Variants in NRG3 observed in about 807,000 individuals in gnomAD.
NRG3 encodes pro-neuregulin-3, membrane-bound isoform.
In NRG3, 31 loss-of-function variants were observed where a neutral mutation model predicts 66.9. That is an observed-to-expected ratio of 0.46 (90% CI 0.35 to 0.63). NRG3 has a LOEUF of 0.63. Ranked by LOEUF, NRG3 falls within the 20% of genes least tolerant of loss-of-function variation. The pLI, the probability that NRG3 is intolerant of heterozygous loss-of-function variation, is 0.00. For synonymous variants in NRG3, 393 were observed against 359.4 expected, an observed-to-expected ratio of 1.09 and a Z score of -1.06; for missense variants, 910 against 878.9, an observed-to-expected ratio of 1.04 and a Z score of -0.45.
chr10:82,683,216 A>G (rs1267145186), intron 2 of NRG3, among the ~76,000 whole-genome samples: 1 of 151,950 alleles, frequency 6.6e-6, no homozygotes, highest in Non-Finnish European at 1.5e-5. Flanking sequence ...CGGCCTCCCA[A>G]AGTGCTGGGA....
intron 7 of NRG3, among the ~76,000 whole-genome samples, chr10:82,978,350 AT>A (rs1184705199): frequency 4.6e-5 from 7 of 152,260 alleles, no homozygotes; most frequent in Non-Finnish European, 1.0e-4. Flanking sequence ...GTCAAATAAA[AT>A]ATATAATCAG....
chr10:82,793,698 T>C (rs2483306), intron 3 of NRG3, among the ~76,000 whole-genome samples: 149,947 of 152,280 alleles, frequency 0.98, 73,833 homozygotes, highest in Middle Eastern at 1. Context: ...GGCTATGTCT[T>C]ATCATCACTT....
chr10:82,536,671 G>A (rs1025286576), intron 2 of NRG3, among the ~76,000 whole-genome samples: 10 of 151,726 alleles, frequency 6.6e-5, no homozygotes, highest in Non-Finnish European at 7.4e-5. Context: ...GAAATTGGAT[G>A]GAATGAATTA....
intron 2 of NRG3, among the ~76,000 whole-genome samples, chr10:82,641,294 T>G (rs1021780217): frequency 2.6e-5 from 4 of 152,160 alleles, no homozygotes; most frequent in Admixed American, 1.3e-4. Flanking sequence ...TTTTCTAAGC[T>G]TATATTTGTG....
intron 2 of NRG3, among the ~76,000 whole-genome samples, chr10:82,647,207 A>T (rs1565162691): frequency 6.7e-6 from 1 of 150,238 alleles, no homozygotes; most frequent in Non-Finnish European, 1.5e-5. Context: ...TCCTGTGTCC[A>T]TGTGTTCTCA....
intron 1 of NRG3, among the ~76,000 whole-genome samples, chr10:82,097,369 TACAC>T (rs60288660): frequency 0.031 from 4,338 of 140,994 alleles, 122 homozygotes; most frequent in East Asian, 0.13. Flanking sequence ...TCCAGATGGT[TACAC>T]ACACACACAC....
chr10:82,491,784 T>C (rs530463909), intron 2 of NRG3, among the ~76,000 whole-genome samples: 1 of 152,296 alleles, frequency 6.6e-6, no homozygotes, highest in Non-Finnish European at 1.5e-5. Flanking sequence ...CTTTTACTTA[T>C]CTGCCCTCTG....
At chr10:82,158,754 C>T (rs2071361920) in intron 1 of NRG3, among the ~76,000 whole-genome samples, 1 of 151,796 alleles carries the variant, frequency 6.6e-6, no homozygotes, top group African/African-American at 2.4e-5. Flanking sequence ...TCTTGAAATC[C>T]TGAGAGAAGT....
intron 1 of NRG3, among the ~76,000 whole-genome samples, chr10:82,319,711 C>A (rs1204431717): frequency 6.6e-6 from 1 of 152,124 alleles, no homozygotes; most frequent in Non-Finnish European, 1.5e-5. Context: ...TGCTCCTTAG[C>A]CTGCAGCCCA....
intron 1 of NRG3, among the ~76,000 whole-genome samples, chr10:82,118,463 A>C (rs1256940129): frequency 6.6e-6 from 1 of 152,062 alleles, no homozygotes; most frequent in Non-Finnish European, 1.5e-5. Flanking sequence ...AAATGACTGT[A>C]GATGTTTTTC....
intron 1 of NRG3, among the ~76,000 whole-genome samples, chr10:82,218,060 A>T (rs2075771482): frequency 2.0e-5 from 3 of 152,214 alleles, no homozygotes; most frequent in Admixed American, 6.5e-5. Flanking sequence ...CAAAGAAAAT[A>T]CATTTTTTGA....
At chr10:82,846,464 A>G (rs1021166010) in intron 3 of NRG3, among the ~76,000 whole-genome samples, 1 of 152,234 alleles carries the variant, frequency 6.6e-6, no homozygotes, top group Non-Finnish European at 1.5e-5. Context: ...TGAAACAAAT[A>G]GAGCTTACTT....
intron 2 of NRG3, among the ~76,000 whole-genome samples, chr10:82,646,835 C>A (rs1387752283): frequency 6.6e-6 from 1 of 152,064 alleles, no homozygotes; most frequent in African/African-American, 2.4e-5. Flanking sequence ...AAACAAATTT[C>A]TCCTATCTTT....
rs191829568 is a variant in NRG3, at chr10:81,966,043, C to A, written c.823+89880C>A. Among the ~76,000 whole-genome samples the A allele has an allele frequency of 7.4e-4, 113 of 151,856 alleles. 1 individual carries two copies. Among genetic ancestry groups the A allele is most frequent in the South Asian group, 3.3e-3 (16 of 4,820 alleles). Reference sequence around the variant, plus strand: ...TACCTTGGTGATGGATAACTTTTATCAATTTAAGTAGTTTTTTCATGCTTT... The same window carrying A: ...TACCTTGGTGATGGATAACTTTTATAAATTTAAGTAGTTTTTTCATGCTTT... On this transcript the variant is annotated intron_variant, in intron 1 of 8. Coordinates refer to ENST00000372141, the MANE Select transcript of NRG3 (RefSeq NM_001010848.4).
intron 1 of NRG3, among the ~76,000 whole-genome samples, chr10:82,047,454 T>G (rs2063355411): frequency 6.6e-6 from 1 of 151,920 alleles, no homozygotes. Flanking sequence ...TTCAACATTC[T>G]TAAAGGAAAG....
intron 1 of NRG3, among the ~76,000 whole-genome samples, chr10:82,267,603 T>C (rs541030678): frequency 7.2e-5 from 11 of 152,326 alleles, no homozygotes; most frequent in Non-Finnish European, 1.6e-4. Flanking sequence ...CTGAGAAAAC[T>C]CACAGATGGA....
At chr10:82,772,702 A>ATT (rs2059759572) in intron 3 of NRG3, among the ~76,000 whole-genome samples, 1 of 131,096 alleles carries the variant, frequency 7.6e-6, no homozygotes, top group Non-Finnish European at 1.6e-5. Context: ...TTGCTTCCAT[A>ATT]TCTTTTTTTT....
chr10:82,270,761 A>G (rs2078550712), intron 1 of NRG3, among the ~76,000 whole-genome samples: 1 of 152,088 alleles, frequency 6.6e-6, no homozygotes, highest in African/African-American at 2.4e-5. Context: ...AAATAATATC[A>G]TGGCCAGTGA....
intron 4 of NRG3, among the ~76,000 whole-genome samples, chr10:82,915,492 G>A (rs1349514797): frequency 1.3e-5 from 2 of 152,104 alleles, no homozygotes; most frequent in African/African-American, 2.4e-5. Context: ...AAAACAAAAT[G>A]TGTATCTTTT....
Sources: gnomAD v4.1 joint callset for allele counts (sites outside exome capture counted in the v4.1 genomes callset) on GRCh38, gnomAD v4.1.1 for gene constraint, MANE v1.5 for transcripts, NCBI Gene and HGNC (gene_info 2026-07-23, HGNC 2026-07-21) for gene names.